Variants in PCDH15 observed in about 807,000 individuals in gnomAD.
PCDH15 encodes protocadherin-15.
Under a neutral mutation model 178.5 loss-of-function variants are expected in PCDH15, and 129 were observed. The ratio of observed to expected loss-of-function variants is 0.72; its 90% CI spans 0.63 to 0.84. The LOEUF is 0.84. Ranked by LOEUF, PCDH15 falls within the 40% of genes least tolerant of loss-of-function variation. The pLI, the probability that PCDH15 is intolerant of heterozygous loss-of-function variation, is 0.00. For synonymous variants in PCDH15, 800 were observed against 732.0 expected (o/e 1.09, Z -1.50); for missense variants, 2,230 against 2,099.9 (o/e 1.06, Z -1.21).
At chr10:54,590,811 G>A (rs1238521670) in intron 2 of PCDH15, among the ~76,000 whole-genome samples, 6 of 152,014 alleles carry the variant, frequency 3.9e-5, no homozygotes, top group Non-Finnish European at 8.8e-5. Flanking sequence ...ACATTTACAT[G>A]TGACTTCCCT....
intron 2 of PCDH15, among the ~76,000 whole-genome samples, chr10:55,085,280 T>C (rs368103092): frequency 2.4e-4 from 37 of 152,036 alleles, no homozygotes; most frequent in African/African-American, 7.7e-4. Context: ...CTTTGCATGC[T>C]CTCACTCATT....
intron 25 of PCDH15, among the ~76,000 whole-genome samples, chr10:53,934,703 C>T (rs1032318789): frequency 2.6e-4 from 39 of 152,146 alleles, no homozygotes; most frequent in African/African-American, 8.9e-4. Context: ...CCCATTTCTA[C>T]ATGCTTTAAT....
chr10:55,467,304 T>G (rs1290100004), intron 2 of PCDH15, among the ~76,000 whole-genome samples: 1 of 151,322 alleles, frequency 6.6e-6, no homozygotes, highest in Non-Finnish European at 1.5e-5. Flanking sequence ...AGAGACAGAG[T>G]TGCTGTACAC....
intron 1 of PCDH15, among the ~76,000 whole-genome samples, chr10:55,245,969 C>T (rs976594576): frequency 6.6e-6 from 1 of 152,184 alleles, no homozygotes; most frequent in African/African-American, 2.4e-5. Context: ...ACTTGGCAAT[C>T]AGTACTTGGC....
rs937641288 is a variant in PCDH15 at position 54,565,597 on chromosome 10, T to C, written c.92-37720A>G. 8.5e-5 allele frequency among the ~76,000 whole-genome samples: 13 copies of C among 152,354 alleles called. No homozygotes were observed. The East Asian group carries it at 2.3e-3, about 27-fold the overall frequency. On this transcript the variant is annotated intron_variant, in intron 2 of 37. Transcript: ENST00000644397. Reference sequence around the variant, plus strand: ...ATGTCAACAATGGGAGAGAAAATTGTCTGGAAAGAGCATGCTGTTACTTTC... The same window carrying C: ...ATGTCAACAATGGGAGAGAAAATTGCCTGGAAAGAGCATGCTGTTACTTTC...
At chr10:54,099,934 C>A (rs2094777750) in intron 15 of PCDH15, among the ~76,000 whole-genome samples, 1 of 152,102 alleles carries the variant, frequency 6.6e-6, no homozygotes, top group African/African-American at 2.4e-5. Context: ...GTCTAGGGAA[C>A]TAGCATGTAT....
chr10:54,927,835 A>G (rs1264928832), intron 2 of PCDH15, among the ~76,000 whole-genome samples: 3 of 152,078 alleles, frequency 2.0e-5, no homozygotes, highest in African/African-American at 7.2e-5. Flanking sequence ...GTATCACTGC[A>G]TAAGAGATGG....
At chr10:55,073,775 G>A (rs932234445) in intron 2 of PCDH15, among the ~76,000 whole-genome samples, 10 of 152,036 alleles carry the variant, frequency 6.6e-5, no homozygotes, top group Non-Finnish European at 1.5e-4. Flanking sequence ...TCATCTAACC[G>A]TAGGCTTTTT....
chr10:54,561,980 C>CTTGTTT (rs2088234907), intron 2 of PCDH15, among the ~76,000 whole-genome samples: 1 of 75,252 alleles, frequency 1.3e-5, no homozygotes, highest in African/African-American at 6.8e-5. Context: ...CCGCACCCAG[C>CTTGTTT]TTTTTTTTTT....
intron 4 of PCDH15, among the ~76,000 whole-genome samples, chr10:54,372,808 C>G (rs901407170): frequency 6.6e-6 from 1 of 151,894 alleles, no homozygotes. Context: ...GCAAGCTATT[C>G]TTTCAATTTA....
Position 53,862,240 on chromosome 10 carries a change from G to A in PCDH15, c.3717+4402C>T, listed in dbSNP as rs537341029. 1.1e-3 allele frequency among the ~76,000 whole-genome samples: 162 copies of A among 151,972 alleles called. 1 individual carries two copies. The highest frequency in any genetic ancestry group is 3.8e-3 in the African/African-American group (159 of 41,474). On this transcript the variant is annotated intron_variant, in intron 27 of 37. Transcript: ENST00000644397. ...CTAATTTTGAATTTTTAATAGAGAC[G>A]AGGTTTCACCATGTTGGCCAGGCTG...
At chr10:55,251,971 A>G (rs1156849487) in intron 1 of PCDH15, among the ~76,000 whole-genome samples, 1 of 152,170 alleles carries the variant, frequency 6.6e-6, no homozygotes, top group African/African-American at 2.4e-5. Context: ...CTGGTTCACA[A>G]ATCCCAGAAG....
intron 1 of PCDH15, among the ~76,000 whole-genome samples, chr10:54,693,222 C>A (rs1461237655): frequency 6.6e-6 from 1 of 151,858 alleles, no homozygotes; most frequent in Non-Finnish European, 1.5e-5. Context: ...CTTTTTACAC[C>A]GAGAAGAATT....
chr10:54,776,753 C>T (rs1332188410), intron 1 of PCDH15, among the ~76,000 whole-genome samples: 2 of 152,030 alleles, frequency 1.3e-5, no homozygotes, highest in South Asian at 2.1e-4. Flanking sequence ...GTTTTATGCT[C>T]GGTTTGTTAG....
chr10:53,979,228 C>CA (rs1181746331), intron 21 of PCDH15, among the ~76,000 whole-genome samples: 12 of 152,160 alleles, frequency 7.9e-5, no homozygotes, highest in African/African-American at 2.7e-4. Context: ...AGGAAACTTA[C>CA]AATCATGGCA....
intron 2 of PCDH15, among the ~76,000 whole-genome samples, chr10:55,352,860 G>C (rs750768948): frequency 2.9e-4 from 44 of 152,052 alleles, no homozygotes; most frequent in Non-Finnish European, 4.9e-4. Flanking sequence ...ACTGTTTGAT[G>C]GTCTGCTGCT....
intron 2 of PCDH15, among the ~76,000 whole-genome samples, chr10:55,083,395 G>C (rs10430542): frequency 0.08 from 12,116 of 151,768 alleles, 584 homozygotes; most frequent in East Asian, 0.23. Flanking sequence ...ACAGAGTATA[G>C]AAAGAATGTA....
intron 4 of PCDH15, among the ~76,000 whole-genome samples, chr10:54,375,038 C>T (rs1487817471): frequency 6.6e-6 from 1 of 152,036 alleles, no homozygotes; most frequent in Non-Finnish European, 1.5e-5. Context: ...ACATGATTTG[C>T]ATCACTTTCT....
chr10:55,559,173 G>A (rs1773465229), intron 2 of PCDH15, among the ~76,000 whole-genome samples: 2 of 151,902 alleles, frequency 1.3e-5, no homozygotes, highest in African/African-American at 4.8e-5. Flanking sequence ...CAGATGATCA[G>A]GTAGGACAAA....
Sources: gnomAD v4.1 joint callset for allele counts (sites outside exome capture counted in the v4.1 genomes callset) on GRCh38, gnomAD v4.1.1 for gene constraint, MANE v1.5 for transcripts, NCBI Gene and HGNC (gene_info 2026-07-23, HGNC 2026-07-21) for gene names.